Variants in TXNDC11 observed in about 807,000 individuals in gnomAD.
The protein encoded by TXNDC11 is thioredoxin domain containing 11, also known as thioredoxin domain-containing protein 11.
A neutral mutation model predicts 78.0 loss-of-function variants in TXNDC11; 68 were observed. The observed-to-expected ratio is 0.87, with a 90% confidence interval of 0.72 to 1.07. The LOEUF (loss-of-function observed/expected upper bound fraction) is 1.07. Ranked by LOEUF, TXNDC11 falls within the 50% of genes least tolerant of loss-of-function variation. The pLI is 0.00. For missense variants in TXNDC11, 1,389 were observed against 1,221.8 expected (o/e 1.14, Z -2.04); for synonymous variants, 571 against 495.2 (o/e 1.15, Z -2.03).
intron 5 of TXNDC11, among the ~76,000 whole-genome samples, chr16:11,707,242 C>A (rs922336037): frequency 2.0e-5 from 3 of 151,822 alleles, no homozygotes; most frequent in Non-Finnish European, 4.4e-5. Context: ...GCCTGGCCAA[C>A]CTGGTGAAAC....
At position 11,687,944 on chromosome 16, in the gene TXNDC11, G is replaced by A. The variant is rs759715518; in HGVS notation, c.2066C>T (p.Ala689Val). The A allele has an allele frequency of 6.2e-7, 1 of 1,613,804 alleles. No individual in the cohort carries two copies. The highest frequency in any genetic ancestry group is 8.5e-7 in the Non-Finnish European group (1 of 1,179,788). ...QKQDVLLLYYAPWCGFCPSLN... is the reference protein window; with the variant it reads ...QKQDVLLLYYVPWCGFCPSLN... ...GGATGGACAGAAGCCGCACCACGGAGCGTAATAGAGCAGGAGAACGTCCTG... is the reference window on the plus strand; with the variant it reads ...GGATGGACAGAAGCCGCACCACGGAACGTAATAGAGCAGGAGAACGTCCTG... The change falls in exon 10 of 12, where the codon GCT becomes GTT. Residue 689 changes from alanine to valine, a missense_variant. Physicochemically the swap from Ala to Val is moderately conservative, Grantham distance 64 (BLOSUM62 0). Coordinates refer to ENST00000283033, the MANE Select transcript of TXNDC11 (RefSeq NM_015914.7).
At chr16:11,721,305 G>A (rs1482846283) in intron 5 of TXNDC11, 7 of 217,206 alleles carry the variant, frequency 3.2e-5, no homozygotes, top group South Asian at 1.6e-4. Context: ...CAGGCATGGC[G>A]GCAGGCACCT....
intron 7 of TXNDC11, among the ~76,000 whole-genome samples, chr16:11,693,126 GC>G (rs1020136604): frequency 6.6e-6 from 1 of 152,074 alleles, no homozygotes; most frequent in African/African-American, 2.4e-5. Context: ...CATCCCCGGG[GC>G]CTAGCACAGG....
chr16:11,687,843 A>G lies in TXNDC11; in HGVS notation c.2153+14T>C, dbSNP rs762357817. The G allele has an allele frequency of 8.9e-6, 14 of 1,578,504 alleles. No individual in the cohort carries two copies. The highest frequency in any genetic ancestry group is 6.7e-5 in the Admixed American group (4 of 59,726). ...GGCATACAGCCCAAAGCGCTGCAGA[A>G]GAGGCCTGCTTACCTTGCCACAGTG... On this transcript the variant is annotated intron_variant, in intron 10 of 11. Coordinates refer to ENST00000283033, the MANE Select transcript of TXNDC11 (RefSeq NM_015914.7).
rs1290169870 is a variant in TXNDC11, at chr16:11,736,105, A to G, written c.383T>C (p.Val128Ala). 2.5e-6 allele frequency: 4 copies of G among 1,614,202 alleles called. No individual in the cohort carries two copies. In the South Asian group the frequency reaches 4.4e-5, roughly 18 times the overall value. Residue 128 changes from valine (V) to alanine (A), a missense_variant, in exon 2 of 12, where the codon GTA becomes GCA. Transcript: ENST00000283033. Reference protein sequence around the residue: ...AEYVRRDSEVVLLFFYAPWCG... With the variant: ...AEYVRRDSEVALLFFYAPWCG... ...CCAAGGGGCATAGAAGAAGAGCAGT[A>G]CCACCTCTGAATCCCGTCGAACGTA...
At position 11,742,517 on chromosome 16, in the gene TXNDC11, GCGCCACGGC is replaced by G; in HGVS notation, c.205_213del (p.Ala69_Ala71del). ...AGGGCGAGGAGCAGCGCGCAGCCGA[GCGCCACGGC>G]CCCGCAGAGCAGCTCCGGCCGCTGG... On this transcript the variant is annotated inframe_deletion, in exon 1 of 12. Transcript: ENST00000283033. 6.9e-7 allele frequency: 1 copy of G among 1,456,330 alleles called. No individual in the cohort carries two copies. The highest frequency in any genetic ancestry group is 1.3e-5 in the South Asian group (1 of 75,076). 90.2% of individuals were successfully genotyped at this position (1,456,330 alleles called of 1,614,324 possible).
At chr16:11,709,493 G>A (rs1166327893) in intron 5 of TXNDC11, among the ~76,000 whole-genome samples, 2 of 138,418 alleles carry the variant, frequency 1.4e-5, no homozygotes, top group Non-Finnish European at 3.0e-5. Context: ...GGAGTGCAGT[G>A]GCGCGATCTC....
At position 11,679,537 on chromosome 16, in the gene TXNDC11, C is replaced by G. The variant is rs1166535857; in HGVS notation, c.2535G>C (p.Leu845=). Residue 845 remains leucine, a synonymous_variant, in exon 12 of 12, where the codon CTG becomes CTC. Coordinates refer to ENST00000283033, the MANE Select transcript of TXNDC11 (RefSeq NM_015914.7). This position sits in a 1 kb window ranked among gnomAD's most constrained non-coding sequence, Gnocchi z 4.6. ...EHRLRQQQRA[L]EEQHSLLHAH... ...CGTGGAGCAGGCTGTGCTGCTCTTC[C>G]AGGGCCCGCTGCTGCTGCCGCAGCC... 2 of 1,613,442 alleles carry G rather than the reference C, an allele frequency of 1.2e-6. No homozygotes were observed. Among genetic ancestry groups the G allele is most frequent in the South Asian group, 2.2e-5 (2 of 91,080 alleles).
Position 11,742,785 on chromosome 16 carries a change from C to T in TXNDC11, c.-55G>A. On this transcript the variant is annotated 5_prime_UTR_variant, in exon 1 of 12. Transcript: ENST00000283033. The stretch of plus-strand genomic sequence containing the variant: ...GCCGCCGCCGCCTCGGGCCCGAAGG[C>T]CCGGCCCGGCCCGTTGCTCCCCAAT... 2 of 1,396,920 alleles carry T rather than the reference C, an allele frequency of 1.4e-6. No individual in the cohort carries two copies. Among genetic ancestry groups the T allele is most frequent in the Non-Finnish European group, 1.9e-6 (2 of 1,081,004 alleles). The allele number at this position is 1,396,920 out of a possible 1,614,324, so 86.5% of individuals were successfully genotyped here. A position where few individuals can be genotyped will look rare whatever the true frequency, so the allele number is the denominator to read the frequency against.
At chr16:11,713,381 AGT>A (rs1378094454) in intron 5 of TXNDC11, among the ~76,000 whole-genome samples, 1 of 152,066 alleles carries the variant, frequency 6.6e-6, no homozygotes, top group African/African-American at 2.4e-5. Flanking sequence ...TGAATTAAAC[AGT>A]CAGTTTTAGG....
chr16:11,726,775 C>T (rs112781896), intron 4 of TXNDC11, among the ~76,000 whole-genome samples: 4 of 152,018 alleles, frequency 2.6e-5, no homozygotes, highest in Non-Finnish European at 4.4e-5. Context: ...TTTACGTCAG[C>T]GGGGCACAGT....
At chr16:11,732,349 C>T (rs556111123) in intron 3 of TXNDC11, among the ~76,000 whole-genome samples, 3 of 152,162 alleles carry the variant, frequency 2.0e-5, no homozygotes, top group Non-Finnish European at 4.4e-5. Flanking sequence ...ACTACACCCC[C>T]CCACTAGGCT....
chr16:11,691,093 G>A (rs1324777253), intron 8 of TXNDC11, 197 bp downstream of exon 8: 1 of 575,764 alleles, frequency 1.7e-6, no homozygotes, highest in African/African-American at 1.9e-5. Context: ...AATTCAGAGT[G>A]AGGAAGTTTC....
At position 11,679,570 on chromosome 16, in the gene TXNDC11, ATC is replaced by A; in HGVS notation, c.2500_2501del (p.Asp834Ter). ...VESQLSSARR[D>X]EHRLRQQQRA... is the part of the protein sequence containing the mutation. ...GCTGCTGCTGCCGCAGCCGGTGCTC[ATC>A]TCTGCGGGCACTGGAGAGCTGGGAC... is the stretch of plus-strand genomic sequence containing the variant. On this transcript the variant is annotated frameshift_variant, in exon 12 of 12. Transcript: ENST00000283033. LOFTEE classifies it low-confidence loss of function (END_TRUNC). The surrounding 1 kb of genome is among the most constrained non-coding windows in gnomAD (Gnocchi z 4.6). The A allele has an allele frequency of 6.2e-7, 1 of 1,613,978 alleles. No individual in the cohort carries two copies. Among genetic ancestry groups the A allele is most frequent in the East Asian group, 2.2e-5 (1 of 44,888 alleles).
chr16:11,742,581 G>C lies in TXNDC11; in HGVS notation c.150C>G (p.Arg50=). ...CCATGAGGAAGGCGCCACGCAGCCC[G>C]CGACGGAGCCGGCCCGCCGAGGACG... ...ATASSAGRLR[R]GLRGAFLMAR... The change falls in exon 1 of 12, where the codon CGC becomes CGG. Residue 50 remains arginine, a synonymous_variant. Coordinates refer to ENST00000283033, the MANE Select transcript of TXNDC11 (RefSeq NM_015914.7). The C allele has an allele frequency of 6.9e-7, 1 of 1,458,114 alleles. No homozygotes were observed. The highest frequency in any genetic ancestry group is 1.3e-5 in the South Asian group (1 of 75,414). 90.3% of individuals were successfully genotyped at this position (1,458,114 alleles called of 1,614,324 possible). A position where few individuals can be genotyped will look rare whatever the true frequency, so the allele number is the denominator to read the frequency against.
At chr16:11,721,713 G>T in intron 4 of TXNDC11, 43 bp from the exon 5 acceptor site, 1 of 1,148,572 alleles carries the variant, frequency 8.7e-7, no homozygotes, top group South Asian at 1.3e-5. Context: ...GGCACTGTCA[G>T]CCACAGTGTA....
At chr16:11,727,059 A>C (rs943560118) in intron 4 of TXNDC11, among the ~76,000 whole-genome samples, 3 of 152,152 alleles carry the variant, frequency 2.0e-5, no homozygotes, top group African/African-American at 7.2e-5. Flanking sequence ...TCTCAAAAAC[A>C]AGTTTATGTC....
At chr16:11,708,835 T>C (rs2051256439) in intron 5 of TXNDC11, among the ~76,000 whole-genome samples, 1 of 152,224 alleles carries the variant, frequency 6.6e-6, no homozygotes, top group South Asian at 2.1e-4. Context: ...TTTTAGTCTG[T>C]TAATTTTAAC....
intron 7 of TXNDC11, among the ~76,000 whole-genome samples, chr16:11,697,831 G>C (rs1488587919): frequency 2.6e-5 from 4 of 152,208 alleles, no homozygotes; most frequent in Non-Finnish European, 4.4e-5. Flanking sequence ...CATCAGAAGA[G>C]GGCATTTGGT....
Sources: gnomAD v4.1 joint callset for allele counts (sites outside exome capture counted in the v4.1 genomes callset) on GRCh38, gnomAD v4.1.1 for gene constraint, Gnocchi (gnomAD v3.1) non-coding constraint, MANE v1.5 for transcripts, NCBI Gene and HGNC (gene_info 2026-07-23, HGNC 2026-07-21) for gene names.